The following BABAM2 variants were observed in gnomAD, a reference collection of about 807,000 sequenced individuals.
The protein encoded by BABAM2 is BRISC and BRCA1 A complex member 2, also known as BRISC and BRCA1-A complex member 2.
A neutral mutation model predicts 54.7 loss-of-function variants in BABAM2; 31 were observed. The observed-to-expected ratio is 0.57, with a 90% CI of 0.43 to 0.77. The LOEUF is 0.77. BABAM2 is among the 30% of genes least tolerant of loss of function. The pLI, the probability that BABAM2 is intolerant of heterozygous loss-of-function variation, is 0.00. For missense variants in BABAM2, 364 were observed against 455.8 expected, an observed-to-expected ratio of 0.80 and a Z score of 1.83; for synonymous variants, 167 against 162.9, an observed-to-expected ratio of 1.03 and a Z score of -0.19.
chr2:27,971,576 A>G (rs1346434548), intron 3 of BABAM2, among the ~76,000 whole-genome samples: 2 of 152,124 alleles, frequency 1.3e-5, no homozygotes, highest in African/African-American at 4.8e-5. Context: ...ACGATATTTC[A>G]TTAAAAGAAA....
At chr2:27,940,044 A>G (rs184484716) in intron 3 of BABAM2, among the ~76,000 whole-genome samples, 49 of 152,346 alleles carry the variant, frequency 3.2e-4, no homozygotes, top group African/African-American at 1.1e-3. Flanking sequence ...GTTAAAGGAT[A>G]TCCTAAGTAA....
At chr2:28,276,880 C>T (rs1440638020) in intron 10 of BABAM2, among the ~76,000 whole-genome samples, 3 of 152,018 alleles carry the variant, frequency 2.0e-5, no homozygotes, top group African/African-American at 7.3e-5. Flanking sequence ...TTTAGTAAAC[C>T]CTGCACAAAA....
At chr2:28,281,865 A>G (rs559419668) in intron 10 of BABAM2, among the ~76,000 whole-genome samples, 58 of 152,364 alleles carry the variant, frequency 3.8e-4, no homozygotes, top group African/African-American at 1.3e-3. Context: ...TGTAAAGTTT[A>G]TATGAGGACA....
intron 10 of BABAM2, among the ~76,000 whole-genome samples, chr2:28,297,048 A>T (rs1294941767): frequency 2.0e-5 from 3 of 152,176 alleles, no homozygotes; most frequent in Non-Finnish European, 4.4e-5. Context: ...GACGAACCTT[A>T]TACATACTTC....
At chr2:27,937,533 CATT>C (rs1227363931) in intron 3 of BABAM2, among the ~76,000 whole-genome samples, 1 of 152,174 alleles carries the variant, frequency 6.6e-6, no homozygotes, top group African/African-American at 2.4e-5. Flanking sequence ...GATGATATCT[CATT>C]GTGGTTTTGA....
intron 7 of BABAM2, among the ~76,000 whole-genome samples, chr2:28,157,995 G>A (rs1364752892): frequency 1.5e-4 from 23 of 152,202 alleles, no homozygotes; most frequent in Admixed American, 1.5e-3. Flanking sequence ...ATATAATCAT[G>A]AGTAGTTATC....
chr2:28,144,340 G>C, intron 7 of BABAM2, among the ~76,000 whole-genome samples: 1 of 152,142 alleles, frequency 6.6e-6, no homozygotes, highest in East Asian at 1.9e-4. Context: ...GGTAATACCA[G>C]TCACCTGAAT....
At chr2:28,152,583 C>T (rs1672159811) in intron 7 of BABAM2, among the ~76,000 whole-genome samples, 2 of 152,116 alleles carry the variant, frequency 1.3e-5, no homozygotes, top group Non-Finnish European at 2.9e-5. Flanking sequence ...GGAATGGGCA[C>T]AGGGGATGAA....
chr2:27,919,831 C>T (rs1667224011), intron 2 of BABAM2, among the ~76,000 whole-genome samples: 1 of 152,292 alleles, frequency 6.6e-6, no homozygotes, highest in African/African-American at 2.4e-5. Context: ...TTTAAAAATA[C>T]TTCCTACTCT....
At chr2:28,215,695 C>G (rs890178355) in intron 7 of BABAM2, among the ~76,000 whole-genome samples, 3 of 152,086 alleles carry the variant, frequency 2.0e-5, no homozygotes, top group African/African-American at 7.2e-5. Flanking sequence ...ACCCATTTCC[C>G]TCTGTCTTTC....
chr2:28,018,471 TGTAA>T (rs1675011400), intron 4 of BABAM2, among the ~76,000 whole-genome samples: 1 of 152,232 alleles, frequency 6.6e-6, no homozygotes, highest in Admixed American at 6.5e-5. Flanking sequence ...AGCATGCATG[TGTAA>T]GTATCTTTTT....
At chr2:28,133,646 T>C (rs971916862) in intron 7 of BABAM2, among the ~76,000 whole-genome samples, 3 of 152,190 alleles carry the variant, frequency 2.0e-5, no homozygotes, top group Admixed American at 1.3e-4. Flanking sequence ...GTCTGACTGT[T>C]CCTCTGTCCC....
At chr2:28,131,105 G>A (rs372745154) in intron 7 of BABAM2, among the ~76,000 whole-genome samples, 92 of 2,808 alleles carry the variant, frequency 0.033, 28 homozygotes, top group South Asian at 0.12. Flanking sequence ...TTTTTGAGAC[G>A]GAGTCTCGCT....
At chr2:28,104,972 A>T (rs1176409875) in intron 6 of BABAM2, among the ~76,000 whole-genome samples, 11 of 140,886 alleles carry the variant, frequency 7.8e-5, no homozygotes, top group Non-Finnish European at 3.1e-5. Flanking sequence ...TCTCACTCAT[A>T]GGTGGGAATT....
At chr2:28,111,295 C>G (rs1229735103) in intron 6 of BABAM2, among the ~76,000 whole-genome samples, 2 of 151,960 alleles carry the variant, frequency 1.3e-5, no homozygotes, top group Admixed American at 1.3e-4. Context: ...GTTTCTATAT[C>G]TTCTTTGGAG....
At chr2:27,955,480 C>G (rs1670018136) in intron 3 of BABAM2, among the ~76,000 whole-genome samples, 1 of 152,190 alleles carries the variant, frequency 6.6e-6, no homozygotes, top group African/African-American at 2.4e-5. Flanking sequence ...TGAAATTACT[C>G]TGATCGTTTT....
intron 2 of BABAM2, among the ~76,000 whole-genome samples, chr2:27,915,678 GT>G (rs5830055): frequency 0.96 from 144,698 of 150,864 alleles, 69,273 homozygotes; most frequent in East Asian, 1. Context: ...TATAAAAAAC[GT>G]TTTTTTTCTA....
At chr2:27,929,082 G>A (rs1667919275) in intron 2 of BABAM2, among the ~76,000 whole-genome samples, 1 of 151,198 alleles carries the variant, frequency 6.6e-6, no homozygotes, top group Non-Finnish European at 1.5e-5. Context: ...GCCAGGTGTG[G>A]TGGTGTGCAC....
At chr2:28,205,457 T>A (rs1558434838) in intron 7 of BABAM2, among the ~76,000 whole-genome samples, 1 of 152,052 alleles carries the variant, frequency 6.6e-6, no homozygotes, top group Non-Finnish European at 1.5e-5. Flanking sequence ...GAGCTGAGAT[T>A]GTGCCACTGC....
Sources: gnomAD v4.1 joint callset for allele counts (sites outside exome capture counted in the v4.1 genomes callset) on GRCh38, gnomAD v4.1.1 for gene constraint, MANE v1.5 for transcripts, NCBI Gene and HGNC (gene_info 2026-07-23, HGNC 2026-07-21) for gene names.